Variants in TTC6 observed in about 807,000 individuals in gnomAD.
TTC6 encodes the protein tetratricopeptide repeat domain 6, also known as tetratricopeptide repeat protein 6.
In TTC6, 172 loss-of-function variants were observed where a neutral mutation model predicts 210.4. The observed-to-expected ratio is 0.82, with a 90% confidence interval of 0.72 to 0.93. The LOEUF (loss-of-function observed/expected upper bound fraction) is 0.93. TTC6 is among the 40% of genes least tolerant of loss of function. TTC6 has a pLI of 0.00. For synonymous variants in TTC6, 804 were observed against 819.6 expected, an observed-to-expected ratio of 0.98 and a Z score of 0.32; for missense variants, 2,414 against 2,318.1, an observed-to-expected ratio of 1.04 and a Z score of -0.85.
At chr14:37,718,150 A>G (rs1197099541) in intron 6 of TTC6, among the ~76,000 whole-genome samples, 1 of 152,242 alleles carries the variant, frequency 6.6e-6, no homozygotes, top group African/African-American at 2.4e-5. Flanking sequence ...CCTTATAAAT[A>G]TTGGTTATAA....
intron 25 of TTC6, among the ~76,000 whole-genome samples, chr14:37,816,201 T>G (rs1463626299): frequency 1.3e-5 from 2 of 152,212 alleles, no homozygotes; most frequent in African/African-American, 2.4e-5. Context: ...TGTCCACATC[T>G]ACAGATTGGT....
chr14:37,626,853 C>G (rs945951574), intron 1 of TTC6, among the ~76,000 whole-genome samples: 2 of 152,162 alleles, frequency 1.3e-5, no homozygotes, highest in African/African-American at 4.8e-5. Context: ...CTAAATACTG[C>G]GGAAAAACCT....
intron 5 of TTC6, among the ~76,000 whole-genome samples, chr14:37,713,746 T>C (rs2095848233): frequency 6.6e-6 from 1 of 152,132 alleles, no homozygotes; most frequent in Non-Finnish European, 1.5e-5. Flanking sequence ...TGCCTCTGAG[T>C]GGGTCTACTT....
chr14:37,773,559 A>G (rs1455883239), intron 14 of TTC6, among the ~76,000 whole-genome samples: 5 of 152,044 alleles, frequency 3.3e-5, no homozygotes, highest in East Asian at 1.9e-4. Flanking sequence ...CCAACATCAG[A>G]TGGTTGTAGG....
intron 1 of TTC6, among the ~76,000 whole-genome samples, chr14:37,667,584 C>T (rs1258907795): frequency 6.6e-6 from 1 of 150,680 alleles, no homozygotes. Context: ...CCCATTTAGA[C>T]TCAAGACAGG....
chr14:37,719,674 A>AAAAT lies in TTC6; in HGVS notation c.1713+4878_1713+4879insAAAT, dbSNP rs1350439996. Among the ~76,000 whole-genome samples the AAAAT allele has an allele frequency of 2.6e-5, 4 of 152,302 alleles. No individual in the cohort carries two copies. The East Asian group carries it at 7.7e-4, about 29-fold the overall frequency. ...TAGCCAGAAAAAGAACCCTGACCTA[A>AAAAT]GTCTTGCATCCTATAAAAAATGTAC... On this transcript the variant is annotated intron_variant, in intron 6 of 30. Coordinates refer to ENST00000553443, the Ensembl canonical transcript of TTC6.
At chr14:37,796,418 T>G in intron 19 of TTC6, 48 bp downstream of exon 21, 1 of 797,736 alleles carries the variant, frequency 1.3e-6, no homozygotes, top group East Asian at 3.1e-5. Flanking sequence ...TTTAAAATTT[T>G]TATGCTATTT....
chr14:37,631,454 G>A (rs2139342500), intron 1 of TTC6, among the ~76,000 whole-genome samples: 1 of 152,278 alleles, frequency 6.6e-6, no homozygotes, highest in South Asian at 2.1e-4. Flanking sequence ...CTCTCTTCTG[G>A]CTTGTAGGGT....
chr14:37,773,063 C>A (rs547744359), intron 14 of TTC6, among the ~76,000 whole-genome samples: 3 of 152,202 alleles, frequency 2.0e-5, no homozygotes, highest in African/African-American at 7.2e-5. Context: ...TGAAAAGTGT[C>A]TGTTCATGTC....
At chr14:37,733,729 G>A (rs909728156) in intron 7 of TTC6, among the ~76,000 whole-genome samples, 1 of 151,972 alleles carries the variant, frequency 6.6e-6, no homozygotes, top group African/African-American at 2.4e-5. Flanking sequence ...AATCCTTTGA[G>A]TTTGTAGTTG....
intron 14 of TTC6, among the ~76,000 whole-genome samples, chr14:37,754,122 C>T (rs373612850): frequency 7.2e-5 from 11 of 152,086 alleles, no homozygotes; most frequent in South Asian, 2.1e-4. Flanking sequence ...ATGTGCAGAA[C>T]GTGCAGGTTT....
intron 1 of TTC6, among the ~76,000 whole-genome samples, chr14:37,602,391 A>G (rs2095617348): frequency 6.6e-6 from 1 of 152,248 alleles, no homozygotes; most frequent in Non-Finnish European, 1.5e-5. Flanking sequence ...AGGACCACCA[A>G]TCTCAGAACC....
chr14:37,661,108 T>G (rs1595073798), intron 1 of TTC6, among the ~76,000 whole-genome samples: 1 of 152,240 alleles, frequency 6.6e-6, no homozygotes, highest in East Asian at 1.9e-4. Context: ...ATAGGTAGAT[T>G]GCAGAAATTT....
At chr14:37,630,903 C>A (rs1278295923) in intron 1 of TTC6, among the ~76,000 whole-genome samples, 1 of 106,804 alleles carries the variant, frequency 9.4e-6, no homozygotes, top group Non-Finnish European at 1.8e-5. Context: ...GGATGGCAAC[C>A]CCTGTTTTTT....
At chr14:37,721,072 G>T (rs1263119559) in intron 6 of TTC6, among the ~76,000 whole-genome samples, 1 of 147,328 alleles carries the variant, frequency 6.8e-6, no homozygotes, top group Non-Finnish European at 1.5e-5. Flanking sequence ...AGAAATTATG[G>T]TCAGTGGAAC....
intron 1 of TTC6, among the ~76,000 whole-genome samples, chr14:37,668,864 T>C (rs1448539090): frequency 1.3e-5 from 2 of 152,194 alleles, no homozygotes; most frequent in Admixed American, 6.5e-5. Context: ...CATTGAGTCA[T>C]GAGGAAGCTT....
chr14:37,752,403 T>C (rs1482150365), intron 13 of TTC6, among the ~76,000 whole-genome samples: 1 of 152,114 alleles, frequency 6.6e-6, no homozygotes, highest in African/African-American at 2.4e-5. Flanking sequence ...AAAAGCTCTT[T>C]TGAAGATGCT....
intron 1 of TTC6, among the ~76,000 whole-genome samples, chr14:37,602,553 C>A (rs1039619914): frequency 6.6e-5 from 10 of 152,164 alleles, no homozygotes; most frequent in African/African-American, 2.4e-4. Context: ...CGAGAAGGCA[C>A]AAGGCTGTGC....
rs752593493 is a variant in TTC6, at chr14:37,823,726, A to C, written c.4764-21A>C. 30 of 1,602,356 alleles carry C rather than the reference A, an allele frequency of 1.9e-5. No homozygotes were observed. The South Asian group carries it at 2.8e-4, about 15-fold the overall frequency. The stretch of plus-strand genomic sequence containing the variant: ...ATGCATCAGTTCACCAGAAGGCATC[A>C]ATATTTTTATTTATTTGCAGAATTA... On this transcript the variant is annotated intron_variant, in intron 26 of 30. Coordinates refer to ENST00000553443, the Ensembl canonical transcript of TTC6.
Sources: gnomAD v4.1 joint callset for allele counts (sites outside exome capture counted in the v4.1 genomes callset) on GRCh38, gnomAD v4.1.1 for gene constraint, MANE v1.5 for transcripts, NCBI Gene and HGNC (gene_info 2026-07-23, HGNC 2026-07-21) for gene names.